Variants in TMC1 observed in about 807,000 individuals in gnomAD.
TMC1 encodes transmembrane channel-like protein 1.
A neutral mutation model predicts 105.8 loss-of-function variants in TMC1; 84 were observed. That is an observed-to-expected ratio of 0.79 (90% CI 0.67 to 0.95). The LOEUF (loss-of-function observed/expected upper bound fraction) is 0.95. Among genes scored for constraint, TMC1 ranks in the 40% least tolerant of loss-of-function variants. The probability of loss-of-function intolerance (pLI) is 0.00; values close to 1 mark genes in which losing one functional copy is unlikely to be tolerated. For missense variants in TMC1, 817 were observed against 914.1 expected, an observed-to-expected ratio of 0.89 and a Z score of 1.37; for synonymous variants, 315 against 311.5, an observed-to-expected ratio of 1.01 and a Z score of -0.12.
intron 5 of TMC1, among the ~76,000 whole-genome samples, chr9:72,658,987 C>A (rs920914043): frequency 6.6e-6 from 1 of 152,196 alleles, no homozygotes; most frequent in Admixed American, 6.5e-5. Context: ...TAACTTTTTG[C>A]CCTTCTTCTA....
chr9:72,540,726 G>T (rs1008460701), intron 1 of TMC1, among the ~76,000 whole-genome samples: 1 of 152,140 alleles, frequency 6.6e-6, no homozygotes, highest in East Asian at 1.9e-4. Context: ...CAAACCAGGA[G>T]AGCTCATGCA....
Position 72,752,447 on chromosome 9 carries a change from A to AACACAC in TMC1, c.642+513_642+518dup, listed in dbSNP as rs10640023. 1.4e-3 allele frequency among the ~76,000 whole-genome samples: 212 copies of AACACAC among 149,102 alleles called. 1 individual carries two copies. The highest frequency in any genetic ancestry group is 9.3e-3 in the East Asian group (47 of 5,062). ...AGATACAAAGTAAGATAATGCCCAC[A>AACACAC]ACACACACACACACACACACACACA... On this transcript the variant is annotated intron_variant, in intron 11 of 23. Transcript: ENST00000297784.
At chr9:72,798,670 C>A (rs1370917489) in intron 17 of TMC1, among the ~76,000 whole-genome samples, 1 of 151,958 alleles carries the variant, frequency 6.6e-6, no homozygotes, top group African/African-American at 2.4e-5. Flanking sequence ...ACAACAGACA[C>A]TGGGGTCTAC....
At chr9:72,688,948 A>G (rs1341039618) in intron 6 of TMC1, among the ~76,000 whole-genome samples, 192 bp downstream of exon 6, 2 of 152,070 alleles carry the variant, frequency 1.3e-5, no homozygotes, top group African/African-American at 4.8e-5. Context: ...TTGGCACTAT[A>G]AGGGCCAAGA....
intron 8 of TMC1, among the ~76,000 whole-genome samples, chr9:72,724,588 A>G (rs1827084747): frequency 6.6e-6 from 1 of 151,836 alleles, no homozygotes; most frequent in Non-Finnish European, 1.5e-5. Context: ...TAAAATGATA[A>G]TAATAAATAT....
At chr9:72,735,366 C>A (rs1427669433) in intron 8 of TMC1, among the ~76,000 whole-genome samples, 1 of 152,174 alleles carries the variant, frequency 6.6e-6, no homozygotes, top group Non-Finnish European at 1.5e-5. Context: ...AGAAAAATCT[C>A]TTTAATTTAT....
At chr9:72,606,996 T>TAGAGAGAGAGAGAGAG (rs757833291) in intron 2 of TMC1, among the ~76,000 whole-genome samples, 4 of 99,854 alleles carry the variant, frequency 4.0e-5, no homozygotes, top group Non-Finnish European at 6.4e-5. Context: ...TATATATATA[T>TAGAGAGAGAGAGAGAG]ATATATAGAG....
rs1828854795 is a variant in TMC1 at position 72,820,737 on chromosome 9, T to C, written c.1764-105T>C. On this transcript the variant is annotated intron_variant, in intron 19 of 23. Coordinates refer to ENST00000297784, the MANE Select transcript of TMC1 (RefSeq NM_138691.3). ...TTGTCTGGTTGAAAGTGGCAGTGTA[T>C]TTTCTGCCTTTGGAAAAGAAGCATG... 6.9e-6 allele frequency: 10 copies of C among 1,447,056 alleles called. No individual in the cohort carries two copies. The South Asian group carries it at 1.2e-4, about 17-fold the overall frequency. 89.6% of individuals were successfully genotyped at this position (1,447,056 alleles called of 1,614,324 possible).
At position 72,740,313 on chromosome 9, in the gene TMC1, AAC is replaced by A. The variant is rs1827366875; in HGVS notation, c.453+108_453+109del. 6.3e-6 allele frequency: 6 copies of A among 948,564 alleles called. No homozygotes were observed. The Admixed American group carries it at 1.1e-4, about 18-fold the overall frequency. 58.8% of individuals were successfully genotyped at this position (948,564 alleles called of 1,614,324 possible). ...AAAATCTTACATTTTGTATATATAA[AAC>A]ACAAATACTCATACAGTATATACAC... On this transcript the variant is annotated intron_variant, in intron 9 of 23. Coordinates refer to ENST00000297784, the MANE Select transcript of TMC1 (RefSeq NM_138691.3).
At chr9:72,746,183 T>G (rs1192923299) in intron 10 of TMC1, among the ~76,000 whole-genome samples, 2 of 152,202 alleles carry the variant, frequency 1.3e-5, no homozygotes, top group African/African-American at 4.8e-5. Flanking sequence ...CCATTTAATC[T>G]TACAAAAGGT....
chr9:72,574,374 C>G (rs1317869643), intron 1 of TMC1, among the ~76,000 whole-genome samples: 1 of 151,936 alleles, frequency 6.6e-6, no homozygotes, highest in East Asian at 1.9e-4. Flanking sequence ...GGTTGCCATC[C>G]TGACTGATCC....
chr9:72,534,291 C>T (rs1823543050), intron 1 of TMC1, among the ~76,000 whole-genome samples: 1 of 152,098 alleles, frequency 6.6e-6, no homozygotes, highest in African/African-American at 2.4e-5. Flanking sequence ...CTTTCCCTGG[C>T]TCAACTGACT....
chr9:72,599,289 C>T (rs188773970), intron 2 of TMC1, among the ~76,000 whole-genome samples: 22 of 152,242 alleles, frequency 1.4e-4, no homozygotes, highest in Admixed American at 1.4e-3. Flanking sequence ...CCTTGGCTTC[C>T]CAAAGTGCTG....
chr9:72,597,828 GGT>G (rs1824743816), intron 2 of TMC1, among the ~76,000 whole-genome samples: 1 of 152,042 alleles, frequency 6.6e-6, no homozygotes, highest in Admixed American at 6.6e-5. Flanking sequence ...GATTACTGTC[GGT>G]TCAGGCCTGG....
At chr9:72,637,488 A>G (rs528756612) in intron 4 of TMC1, among the ~76,000 whole-genome samples, 2 of 152,266 alleles carry the variant, frequency 1.3e-5, no homozygotes, top group South Asian at 4.1e-4. Flanking sequence ...TGAACATGGT[A>G]GTCCTCTGAG....
chr9:72,754,903 G>A lies in TMC1; in HGVS notation c.741+19G>A. 1 of 1,562,214 alleles carries A rather than the reference G, an allele frequency of 6.4e-7. No individual in the cohort carries two copies. Among genetic ancestry groups the A allele is most frequent in the African/African-American group, 1.4e-5 (1 of 73,998 alleles). On this transcript the variant is annotated intron_variant, in intron 12 of 23. Transcript: ENST00000297784. The stretch of plus-strand genomic sequence containing the variant: ...CTTCAATGTAAGTGTCTCCACACAA[G>A]TGTATTGGTGGGAGGATGGATTTTT...
chr9:72,667,719 A>G (rs555561683), intron 5 of TMC1, among the ~76,000 whole-genome samples: 31 of 152,216 alleles, frequency 2.0e-4, no homozygotes, highest in Admixed American at 2.0e-4. Flanking sequence ...CAGTCAGACA[A>G]CAGCACCTAT....
At chr9:72,725,325 G>GTATATATATATATATA (rs57562145) in intron 8 of TMC1, among the ~76,000 whole-genome samples, 18 of 77,656 alleles carry the variant, frequency 2.3e-4, no homozygotes, top group South Asian at 5.5e-4. Flanking sequence ...ATGTGTGTAT[G>GTATATATATATATATA]TATATATATA....
At chr9:72,720,708 A>G (rs1250426080) in intron 8 of TMC1, among the ~76,000 whole-genome samples, 2 of 152,230 alleles carry the variant, frequency 1.3e-5, no homozygotes, top group African/African-American at 4.8e-5. Context: ...AAACTGGATG[A>G]CACCAATGGC....
Sources: gnomAD v4.1 joint callset for allele counts (sites outside exome capture counted in the v4.1 genomes callset) on GRCh38, gnomAD v4.1.1 for gene constraint, MANE v1.5 for transcripts, NCBI Gene and HGNC (gene_info 2026-07-23, HGNC 2026-07-21) for gene names.